Variants in SEMA3E observed in about 807,000 individuals in gnomAD.
SEMA3E encodes the protein semaphorin 3E.
A neutral mutation model predicts 93.6 loss-of-function variants in SEMA3E; 49 were observed. The observed-to-expected ratio is 0.52, with a 90% confidence interval of 0.42 to 0.66. The LOEUF (loss-of-function observed/expected upper bound fraction) is 0.66, where lower values mean the gene tolerates loss of function less well. Among genes scored for constraint, SEMA3E ranks in the 30% least tolerant of loss-of-function variants. The pLI is 0.00. For synonymous variants in SEMA3E, 363 were observed against 330.7 expected (o/e 1.10, Z -1.06); for missense variants, 906 against 964.8 (o/e 0.94, Z 0.81).
At chr7:83,431,276 GTC>G (rs1468965675) in intron 4 of SEMA3E, among the ~76,000 whole-genome samples, 2 of 151,506 alleles carry the variant, frequency 1.3e-5, no homozygotes, top group Non-Finnish European at 2.9e-5. Context: ...GAGAAGGAAT[GTC>G]TCTCTGTATC....
chr7:83,503,010 C>CTTTT (rs71522664), intron 1 of SEMA3E, among the ~76,000 whole-genome samples: 2 of 138,874 alleles, frequency 1.4e-5, no homozygotes, highest in African/African-American at 2.8e-5. Flanking sequence ...TTCTTTCTCT[C>CTTTT]TCTTTTTTTT....
intron 1 of SEMA3E, among the ~76,000 whole-genome samples, chr7:83,582,750 T>C (rs1332992474): frequency 6.6e-6 from 1 of 152,096 alleles, no homozygotes; most frequent in Non-Finnish European, 1.5e-5. Flanking sequence ...AATTTTCTTC[T>C]TTACATAACA....
At chr7:83,424,338 G>C (rs1175758339) in intron 4 of SEMA3E, among the ~76,000 whole-genome samples, 1 of 151,834 alleles carries the variant, frequency 6.6e-6, no homozygotes, top group African/African-American at 2.4e-5. Flanking sequence ...GGTATTCTTC[G>C]ACCCTGTCCT....
intron 16 of SEMA3E, among the ~76,000 whole-genome samples, chr7:83,381,230 G>A (rs1220047007): frequency 6.6e-6 from 1 of 151,936 alleles, no homozygotes; most frequent in African/African-American, 2.4e-5. Context: ...AGGTCCCTGC[G>A]TGAGCTTTTC....
intron 2 of SEMA3E, among the ~76,000 whole-genome samples, chr7:83,472,727 T>C (rs1215332366): frequency 6.6e-6 from 1 of 152,238 alleles, no homozygotes; most frequent in Non-Finnish European, 1.5e-5. Context: ...ATGGTTAGGC[T>C]ATGTGTCCCC....
intron 1 of SEMA3E, among the ~76,000 whole-genome samples, chr7:83,583,523 G>A (rs565406685): frequency 2.0e-5 from 3 of 152,140 alleles, no homozygotes; most frequent in South Asian, 2.1e-4. Context: ...CTTACCATTC[G>A]TTCACTTCTT....
chr7:83,591,030 C>A (rs1010515713), intron 1 of SEMA3E, among the ~76,000 whole-genome samples: 1 of 145,812 alleles, frequency 6.9e-6, no homozygotes. Context: ...TGTTCTTGAG[C>A]AGGAAGTTTT....
chr7:83,626,025 TTGAACCAG>T (rs1333163171), intron 1 of SEMA3E, among the ~76,000 whole-genome samples: 1 of 152,196 alleles, frequency 6.6e-6, no homozygotes, highest in African/African-American at 2.4e-5. Flanking sequence ...TTTGCATATG[TTGAACCAG>T]CCTTGCATCC....
intron 4 of SEMA3E, among the ~76,000 whole-genome samples, chr7:83,451,781 A>C (rs1334576557): frequency 6.6e-6 from 1 of 152,248 alleles, no homozygotes; most frequent in African/African-American, 2.4e-5. Flanking sequence ...ACCGGTTTTT[A>C]AAAGTATGCT....
At chr7:83,620,414 A>G (rs907771486) in intron 1 of SEMA3E, among the ~76,000 whole-genome samples, 1 of 152,142 alleles carries the variant, frequency 6.6e-6, no homozygotes, top group Non-Finnish European at 1.5e-5. Flanking sequence ...ATGCTACCAG[A>G]CGTACAAAGA....
In SEMA3E at chr7:83,405,952, A is replaced by T; in HGVS notation, c.921T>A (p.Asp307Glu). The T allele has an allele frequency of 3.1e-6, 5 of 1,609,956 alleles. No homozygotes were observed. Among genetic ancestry groups the T allele is most frequent in the Non-Finnish European group, 4.3e-6 (5 of 1,176,456 alleles). The change falls in exon 8 of 17, where the codon GAT (aspartate) becomes GAA (glutamate). Residue 307 changes from aspartate (D) to glutamate (E), a missense_variant. Transcript: ENST00000643230. ...PGMNGIDTYF[D>E]ELEDVFLLPT... The stretch of plus-strand genomic sequence containing the variant: ...TCACCTAAAAACATTTACCTAATTC[A>T]TCAAAATATGTGTCAATTCCATTCA...
chr7:83,389,985 GTA>G (rs140354864), intron 14 of SEMA3E, among the ~76,000 whole-genome samples: 2 of 35,272 alleles, frequency 5.7e-5, no homozygotes, highest in Non-Finnish European at 1.4e-4. Flanking sequence ...ATATATACGC[GTA>G]TATGTGTATA....
At chr7:83,521,014 G>A (rs963012798) in intron 1 of SEMA3E, among the ~76,000 whole-genome samples, 1 of 151,944 alleles carries the variant, frequency 6.6e-6, no homozygotes, top group African/African-American at 2.4e-5. Flanking sequence ...CAGTGTGCCT[G>A]TAAATAGATT....
At chr7:83,489,905 C>T (rs913890906) in intron 2 of SEMA3E, among the ~76,000 whole-genome samples, 7 of 152,004 alleles carry the variant, frequency 4.6e-5, no homozygotes, top group African/African-American at 7.2e-5. Flanking sequence ...TCTGGAAATC[C>T]AGGTATCAGT....
intron 1 of SEMA3E, among the ~76,000 whole-genome samples, chr7:83,569,713 C>T (rs545040660): frequency 6.6e-6 from 1 of 152,250 alleles, no homozygotes; most frequent in East Asian, 1.9e-4. Context: ...CACCCACGAT[C>T]GGAGCACTGA....
At chr7:83,465,174 C>T (rs960194079) in intron 4 of SEMA3E, among the ~76,000 whole-genome samples, 3 of 152,096 alleles carry the variant, frequency 2.0e-5, no homozygotes, top group African/African-American at 7.2e-5. Flanking sequence ...CCATTGAGCA[C>T]CTTGCGACCC....
At chr7:83,389,658 TACATAC>T (rs1787953754) in intron 14 of SEMA3E, among the ~76,000 whole-genome samples, 1 of 151,132 alleles carries the variant, frequency 6.6e-6, no homozygotes, top group Non-Finnish European at 1.5e-5. Flanking sequence ...ATTACATGTA[TACATAC>T]ACACATATAC....
chr7:83,573,609 T>C (rs943577501), intron 1 of SEMA3E, among the ~76,000 whole-genome samples: 1 of 152,046 alleles, frequency 6.6e-6, no homozygotes, highest in Non-Finnish European at 1.5e-5. Flanking sequence ...AATAAACATC[T>C]TTGTAATTTT....
chr7:83,622,092 T>A (rs1183558310), intron 1 of SEMA3E, among the ~76,000 whole-genome samples: 1 of 151,962 alleles, frequency 6.6e-6, no homozygotes, highest in East Asian at 1.9e-4. Flanking sequence ...AATCTAGCCA[T>A]CTGACAAGGG....
Sources: gnomAD v4.1 joint callset for allele counts (sites outside exome capture counted in the v4.1 genomes callset) on GRCh38, gnomAD v4.1.1 for gene constraint, MANE v1.5 for transcripts, NCBI Gene and HGNC (gene_info 2026-07-23, HGNC 2026-07-21) for gene names.